The following CAB39L variants were observed in gnomAD, a reference collection of about 807,000 sequenced individuals.
The protein encoded by CAB39L is calcium binding protein 39 like.
In CAB39L, 23 loss-of-function variants were observed where a neutral mutation model predicts 39.1. The observed-to-expected ratio is 0.59, with a 90% CI of 0.42 to 0.83. The LOEUF is 0.83. CAB39L is among the 40% of genes least tolerant of loss of function. The pLI is 0.00. For synonymous variants in CAB39L, 126 were observed against 137.2 expected, an observed-to-expected ratio of 0.92 and a Z score of 0.57; for missense variants, 366 against 391.9, an observed-to-expected ratio of 0.93 and a Z score of 0.56.
At chr13:49,382,006 T>C (rs1325416377) in intron 4 of CAB39L, among the ~76,000 whole-genome samples, 1 of 152,224 alleles carries the variant, frequency 6.6e-6, no homozygotes, top group East Asian at 1.9e-4. Flanking sequence ...TCTCCATCCT[T>C]GTCAACACTT....
intron 3 of CAB39L, among the ~76,000 whole-genome samples, chr13:49,407,856 C>A (rs1280366087): frequency 1.1e-5 from 1 of 94,082 alleles, no homozygotes. Context: ...AGCAAGACCC[C>A]GTCTCAAAAA....
chr13:49,327,458 C>T lies in CAB39L; in HGVS notation c.834+4489G>A, dbSNP rs1161223470. Among the ~76,000 whole-genome samples, 11 of 151,808 alleles carry T rather than the reference C, an allele frequency of 7.2e-5. No homozygotes were observed. The South Asian group carries it at 1.7e-3, about 23-fold the overall frequency. On this transcript the variant is annotated intron_variant, in intron 10 of 10. Coordinates refer to ENST00000409308, the MANE Select transcript of CAB39L (RefSeq NM_001079670.3). ...ATCTGGGACTACAGGCATGCACCACCACACCTGGCTAATTTTTGTGTTTTT... is the reference window on the plus strand; with the variant it reads ...ATCTGGGACTACAGGCATGCACCACTACACCTGGCTAATTTTTGTGTTTTT...
intron 3 of CAB39L, among the ~76,000 whole-genome samples, chr13:49,422,308 C>T (rs1040111267): frequency 2.0e-5 from 3 of 152,192 alleles, no homozygotes; most frequent in African/African-American, 7.2e-5. Flanking sequence ...CGTGGTGGCT[C>T]ACACCTATAA....
chr13:49,333,568 CT>C (rs796079933), intron 9 of CAB39L, among the ~76,000 whole-genome samples: 13,726 of 111,246 alleles, frequency 0.12, 591 homozygotes, highest in Middle Eastern at 0.15. Flanking sequence ...TTCTTTCTTT[CT>C]TTTTTTTTTT....
intron 10 of CAB39L, among the ~76,000 whole-genome samples, chr13:49,314,033 C>T (rs1332753641): frequency 1.3e-5 from 2 of 152,120 alleles, no homozygotes; most frequent in Admixed American, 6.5e-5. Context: ...CAGGAAGGCT[C>T]ATGGTGTGGG....
chr13:49,440,939 A>G (rs1391526305), intron 1 of CAB39L, among the ~76,000 whole-genome samples: 1 of 152,042 alleles, frequency 6.6e-6, no homozygotes, highest in Non-Finnish European at 1.5e-5. Context: ...ATCATCAGCC[A>G]AGAGAGATAG....
intron 7 of CAB39L, among the ~76,000 whole-genome samples, chr13:49,350,094 T>C (rs1193898225): frequency 6.6e-6 from 1 of 152,166 alleles, no homozygotes. Flanking sequence ...GTTTGAATTT[T>C]TCAAAATAAA....
At chr13:49,346,302 T>A (rs1299324397) in intron 7 of CAB39L, among the ~76,000 whole-genome samples, 2 of 131,612 alleles carry the variant, frequency 1.5e-5, no homozygotes, top group Non-Finnish European at 3.2e-5. Context: ...TAGACAAATA[T>A]AATTGCTGCA....
intron 3 of CAB39L, among the ~76,000 whole-genome samples, chr13:49,425,239 G>A (rs1264665715): frequency 6.6e-6 from 1 of 150,668 alleles, no homozygotes; most frequent in Non-Finnish European, 1.5e-5. Context: ...AGAAAAATTT[G>A]AGTCCTGAAG....
chr13:49,386,561 A>G (rs1203666385), intron 3 of CAB39L, among the ~76,000 whole-genome samples: 1 of 152,188 alleles, frequency 6.6e-6, no homozygotes, highest in East Asian at 1.9e-4. Flanking sequence ...AATTACTTTC[A>G]TATTTTACTA....
Position 49,377,023 on chromosome 13 carries a change from AG to A in CAB39L, c.219del (p.Tyr74ThrfsTer6). 6.2e-7 allele frequency: 1 copy of A among 1,613,890 alleles called. No individual in the cohort carries two copies. Among genetic ancestry groups the A allele is most frequent in the East Asian group, 2.2e-5 (1 of 44,882 alleles). ...AGTGTCACTAGCAGGCCACTGCTGT[AG>A]AGTTCTTGTGCTAGCTGAGCCACTG... ...TEAVAQLAQE[L>X]YSSGLLVTLI... On this transcript the variant is annotated frameshift_variant, in exon 5 of 11. Transcript: ENST00000409308. LOFTEE classifies it high-confidence loss of function.
chr13:49,316,478 G>T (rs1954161958), intron 10 of CAB39L, among the ~76,000 whole-genome samples: 1 of 152,018 alleles, frequency 6.6e-6, no homozygotes, highest in Non-Finnish European at 1.5e-5. Flanking sequence ...TATGATATGA[G>T]GCCAGTATTA....
At chr13:49,387,760 G>C (rs906782976) in intron 3 of CAB39L, among the ~76,000 whole-genome samples, 14 of 151,856 alleles carry the variant, frequency 9.2e-5, no homozygotes, top group African/African-American at 3.4e-4. Flanking sequence ...AGCTCTTTTA[G>C]ACAAAAAAAA....
At chr13:49,392,198 A>T (rs1956502719) in intron 3 of CAB39L, among the ~76,000 whole-genome samples, 1 of 152,226 alleles carries the variant, frequency 6.6e-6, no homozygotes, top group Non-Finnish European at 1.5e-5. Flanking sequence ...CAGTGTATGT[A>T]ATAGACATAA....
intron 10 of CAB39L, among the ~76,000 whole-genome samples, chr13:49,319,640 A>AT (rs1245503364): frequency 6.7e-6 from 1 of 150,016 alleles, no homozygotes; most frequent in African/African-American, 2.5e-5. Flanking sequence ...TGTTACTTAT[A>AT]TTAAAAAAAA....
intron 1 of CAB39L, among the ~76,000 whole-genome samples, chr13:49,438,685 T>C (rs574397798): frequency 6.6e-6 from 1 of 152,226 alleles, no homozygotes; most frequent in East Asian, 1.9e-4. Context: ...CCTGCTCTTT[T>C]TATTTCCCCC....
At chr13:49,441,101 C>T (rs1225944858) in intron 1 of CAB39L, among the ~76,000 whole-genome samples, 1 of 151,452 alleles carries the variant, frequency 6.6e-6, no homozygotes, top group Non-Finnish European at 1.5e-5. Context: ...TCTTAGCTTA[C>T]TCTGAAATAT....
intron 5 of CAB39L, 80 bp from the exon 6 acceptor site, chr13:49,359,912 A>G (rs1955587082): frequency 1.4e-6 from 1 of 709,760 alleles, no homozygotes; most frequent in South Asian, 1.8e-5. Context: ...ATACATATAT[A>G]TATACACACA....
At chr13:49,409,859 G>C (rs1486226875) in intron 3 of CAB39L, among the ~76,000 whole-genome samples, 1 of 148,528 alleles carries the variant, frequency 6.7e-6, no homozygotes, top group Non-Finnish European at 1.5e-5. Flanking sequence ...GATCCCTTGA[G>C]TCCAGGAGTT....
Sources: allele counts gnomAD v4.1 joint callset (sites outside exome capture counted in the v4.1 genomes callset), GRCh38; gene constraint gnomAD v4.1.1; transcripts MANE v1.5; gene names NCBI Gene and HGNC (gene_info 2026-07-23, HGNC 2026-07-21).